The following CDH4 variants were observed in gnomAD, a reference collection of about 807,000 sequenced individuals.
CDH4 encodes the protein cadherin 4.
Under a neutral mutation model 86.0 loss-of-function variants are expected in CDH4, and 33 were observed. That is an observed-to-expected ratio of 0.38 (90% confidence interval 0.29 to 0.51). The LOEUF (loss-of-function observed/expected upper bound fraction) is 0.51. Among genes scored for constraint, CDH4 ranks in the 20% least tolerant of loss-of-function variants. CDH4 has a pLI of 0.86. For missense variants in CDH4, 1,114 were observed against 1,307.4 expected (o/e 0.85, Z 2.28); for synonymous variants, 555 against 549.4 (o/e 1.01, Z -0.14).
At chr20:61,314,440 A>G (rs1481135956) in intron 2 of CDH4, among the ~76,000 whole-genome samples, 2 of 152,220 alleles carry the variant, frequency 1.3e-5, no homozygotes, top group Admixed American at 1.3e-4. Flanking sequence ...TTGAAATGCC[A>G]GGATTTCCTT....
intron 2 of CDH4, among the ~76,000 whole-genome samples, chr20:61,389,659 C>T (rs975305134): frequency 6.6e-6 from 1 of 152,114 alleles, no homozygotes; most frequent in Non-Finnish European, 1.5e-5. Context: ...GAACACACGG[C>T]GATGTCTGGA....
chr20:61,586,496 G>A (rs1289225014), intron 2 of CDH4, among the ~76,000 whole-genome samples: 1 of 152,204 alleles, frequency 6.6e-6, no homozygotes, highest in Non-Finnish European at 1.5e-5. Context: ...GCCTGAGGGG[G>A]TGTTAAGGTA....
At chr20:61,656,638 C>A (rs953674647) in intron 2 of CDH4, among the ~76,000 whole-genome samples, 8 of 152,156 alleles carry the variant, frequency 5.3e-5, no homozygotes, top group Non-Finnish European at 1.5e-5. Flanking sequence ...CAGCCACTCT[C>A]CTGGGTGGGT....
intron 2 of CDH4, among the ~76,000 whole-genome samples, chr20:61,668,912 C>T (rs2087356054): frequency 6.6e-6 from 1 of 152,256 alleles, no homozygotes; most frequent in African/African-American, 2.4e-5. Flanking sequence ...CCCGCCTGTT[C>T]TCATCAGAGC....
intron 2 of CDH4, among the ~76,000 whole-genome samples, chr20:61,329,444 C>CTCGTGGGTCTGGGACGTGGGTCGAGGTGG (rs1180378263): frequency 6.6e-6 from 1 of 152,196 alleles, no homozygotes; most frequent in East Asian, 1.9e-4. Context: ...CTCATGGTCC[C>CTCGTGGGTCTGGGACGTGGGTCGAGGTGG]CCGTGGGTCT....
intron 2 of CDH4, among the ~76,000 whole-genome samples, chr20:61,552,872 A>T (rs1469628974): frequency 1.3e-5 from 2 of 152,162 alleles, no homozygotes. Context: ...AAAGAAAAAA[A>T]AAAAACTTGT....
At chr20:61,602,069 G>A (rs2086605333) in intron 2 of CDH4, among the ~76,000 whole-genome samples, 1 of 152,188 alleles carries the variant, frequency 6.6e-6, no homozygotes, top group African/African-American at 2.4e-5. Context: ...CTCCGGGGGT[G>A]GAGCTGCGCC....
chr20:61,923,797 A>G (rs1448971917), intron 10 of CDH4, 93 bp downstream of exon 10: 3 of 1,487,510 alleles, frequency 2.0e-6, no homozygotes, highest in East Asian at 4.7e-5. Context: ...CACAGCCCAG[A>G]ATTCCCCCAG....
rs531173820 is a variant in CDH4 at position 61,758,691 on chromosome 20, C to T, written c.397-14312C>T. Reference sequence around the variant, plus strand: ...AGTGACGGTCCCCCTGAGCCGTGGCCACTCTAACCCCAGCTCCATGTCTGT... The same window carrying T: ...AGTGACGGTCCCCCTGAGCCGTGGCTACTCTAACCCCAGCTCCATGTCTGT... On this transcript the variant is annotated intron_variant, in intron 3 of 15. Transcript: ENST00000614565. 4.6e-5 allele frequency among the ~76,000 whole-genome samples: 7 copies of T among 152,230 alleles called. No individual in the cohort carries two copies. In the South Asian group the frequency reaches 1.0e-3, roughly 22 times the overall value.
intron 2 of CDH4, among the ~76,000 whole-genome samples, chr20:61,461,754 A>G (rs1004508295): frequency 1.4e-4 from 21 of 152,310 alleles, no homozygotes; most frequent in South Asian, 1.2e-3. Flanking sequence ...AATTGTCCCC[A>G]ACGGAGACGC....
chr20:61,625,525 C>T (rs756093747), intron 2 of CDH4, among the ~76,000 whole-genome samples: 5 of 152,040 alleles, frequency 3.3e-5, no homozygotes, highest in South Asian at 2.1e-4. Flanking sequence ...TCAGGAATAA[C>T]GATCATCTGC....
At chr20:61,485,246 A>G (rs1341619868) in intron 2 of CDH4, among the ~76,000 whole-genome samples, 1 of 152,228 alleles carries the variant, frequency 6.6e-6, no homozygotes, top group Non-Finnish European at 1.5e-5. Context: ...TAATATAATT[A>G]TAGGGTGACA....
At chr20:61,419,780 T>C (rs2085167225) in intron 2 of CDH4, among the ~76,000 whole-genome samples, 1 of 152,188 alleles carries the variant, frequency 6.6e-6, no homozygotes, top group Non-Finnish European at 1.5e-5. Context: ...GCTTAAGCCT[T>C]CCACCCCGGA....
At chr20:61,500,938 G>T (rs2085696393) in intron 2 of CDH4, among the ~76,000 whole-genome samples, 1 of 152,196 alleles carries the variant, frequency 6.6e-6, no homozygotes. Flanking sequence ...TCAAATTCCT[G>T]AGCACTCAGC....
intron 7 of CDH4, among the ~76,000 whole-genome samples, chr20:61,875,302 C>A (rs1749117972): frequency 1.3e-5 from 2 of 152,184 alleles, no homozygotes; most frequent in South Asian, 2.1e-4. Context: ...GGGGGTGGTG[C>A]CCAGGGTAAC....
At chr20:61,638,897 G>A (rs2086976596) in intron 2 of CDH4, among the ~76,000 whole-genome samples, 1 of 152,176 alleles carries the variant, frequency 6.6e-6, no homozygotes, top group Non-Finnish European at 1.5e-5. Context: ...GTGTAGGGTA[G>A]GGAATTGAAG....
chr20:61,780,730 A>G (rs1978494565), intron 4 of CDH4, among the ~76,000 whole-genome samples: 1 of 152,240 alleles, frequency 6.6e-6, no homozygotes, highest in Non-Finnish European at 1.5e-5. Flanking sequence ...AATGGATAGT[A>G]GACAGAATCT....
At chr20:61,620,186 GTGGA>G (rs1237568321) in intron 2 of CDH4, among the ~76,000 whole-genome samples, 2 of 138,310 alleles carry the variant, frequency 1.4e-5, no homozygotes, top group African/African-American at 2.8e-5. Flanking sequence ...GGGTGGGTGG[GTGGA>G]TGGATGGATG....
chr20:61,605,069 G>A (rs968521915), intron 2 of CDH4, among the ~76,000 whole-genome samples: 2 of 152,188 alleles, frequency 1.3e-5, no homozygotes, highest in Non-Finnish European at 2.9e-5. Context: ...CTGTTTTCAA[G>A]TCTCCATCAA....
Sources: gnomAD v4.1 joint callset for allele counts (sites outside exome capture counted in the v4.1 genomes callset) on GRCh38, gnomAD v4.1.1 for gene constraint, MANE v1.5 for transcripts, NCBI Gene and HGNC (gene_info 2026-07-23, HGNC 2026-07-21) for gene names.